The following DCBLD1 variants were observed in gnomAD, a reference collection of about 807,000 sequenced individuals.
DCBLD1 encodes the protein discoidin, CUB and LCCL domain-containing protein 1.
DCBLD1 carries 57 observed loss-of-function variants against 71.5 expected under a neutral mutation model. The ratio of observed to expected loss-of-function variants is 0.80; its 90% CI spans 0.64 to 0.99. The LOEUF is 0.99. DCBLD1 is among the 50% of genes least tolerant of loss of function. The probability of loss-of-function intolerance (pLI) is 0.00; values close to 1 mark genes in which losing one functional copy is unlikely to be tolerated. For missense variants in DCBLD1, 891 were observed against 923.5 expected, an observed-to-expected ratio of 0.96 and a Z score of 0.46; for synonymous variants, 380 against 363.8, an observed-to-expected ratio of 1.04 and a Z score of -0.51.
chr6:117,559,582 C>G (rs1172977019), intron 14 of DCBLD1, among the ~76,000 whole-genome samples: 2 of 152,234 alleles, frequency 1.3e-5, no homozygotes, highest in Non-Finnish European at 2.9e-5. Context: ...TGCACGAGAA[C>G]TGACAGATGC....
chr6:117,556,780 G>T (rs1779500406), intron 14 of DCBLD1, among the ~76,000 whole-genome samples: 1 of 152,064 alleles, frequency 6.6e-6, no homozygotes, highest in Non-Finnish European at 1.5e-5. Flanking sequence ...TCTATTTTTA[G>T]TTCTTTGAGA....
At chr6:117,526,587 G>C (rs910748537) in intron 5 of DCBLD1, among the ~76,000 whole-genome samples, 3 of 152,150 alleles carry the variant, frequency 2.0e-5, no homozygotes, top group Admixed American at 6.5e-5. Flanking sequence ...ACAGGTAAAT[G>C]GTTTCCTGCA....
intron 5 of DCBLD1, among the ~76,000 whole-genome samples, chr6:117,528,571 G>A (rs1403862303): frequency 1.3e-5 from 2 of 152,152 alleles, no homozygotes; most frequent in East Asian, 3.8e-4. Context: ...AAGTTGTTTA[G>A]CCTTAGTTCA....
intron 14 of DCBLD1, among the ~76,000 whole-genome samples, chr6:117,568,143 TG>T (rs1417112750): frequency 6.3e-4 from 95 of 151,832 alleles, no homozygotes. Context: ...GAGGCTGCAG[TG>T]GTCCGTAATT....
chr6:117,521,608 C>A, intron 4 of DCBLD1, 32 bp downstream of exon 4: 1 of 1,529,388 alleles, frequency 6.5e-7, no homozygotes, highest in Non-Finnish European at 8.8e-7. Flanking sequence ...GTGTTGCAGT[C>A]GTGTATTGCT....
At chr6:117,562,624 T>C (rs1392514029) in intron 14 of DCBLD1, 1 of 203,150 alleles carries the variant, frequency 4.9e-6, no homozygotes, top group African/African-American at 2.3e-5. Context: ...GCAGCATTGA[T>C]TGATAAAAGA....
At position 117,532,251 on chromosome 6, in the gene DCBLD1, G is replaced by A. The variant is rs201497239; in HGVS notation, c.586-9G>A. 1.6e-5 allele frequency: 26 copies of A among 1,583,838 alleles called. No homozygotes were observed. The African/African-American group carries it at 3.0e-4, about 18-fold the overall frequency. On this transcript the variant is annotated splice_polypyrimidine_tract_variant and intron_variant, in intron 5 of 14. Coordinates refer to ENST00000338728, the MANE Select transcript of DCBLD1 (RefSeq NM_001366458.2). ...TTAAGTTCTGCATAATGATGTTGCT[G>A]TGTTTCAGACCTCTTTATTGTGCAA...
At chr6:117,483,911 C>A (rs1776995746) in intron 1 of DCBLD1, among the ~76,000 whole-genome samples, 1 of 152,008 alleles carries the variant, frequency 6.6e-6, no homozygotes, top group Admixed American at 6.6e-5. Flanking sequence ...CTGAACTATG[C>A]CTCCATTCTG....
intron 2 of DCBLD1, among the ~76,000 whole-genome samples, chr6:117,511,277 C>T (rs1355271860): frequency 1.3e-5 from 2 of 152,182 alleles, no homozygotes; most frequent in South Asian, 2.1e-4. Flanking sequence ...AAATCACTTA[C>T]GTAGAGTTCC....
intron 9 of DCBLD1, 87 bp downstream of exon 9, chr6:117,539,466 A>T: frequency 7.1e-7 from 1 of 1,402,872 alleles, no homozygotes. Context: ...TAAATATCTC[A>T]TTAATAAAAG....
chr6:117,547,018 C>A (rs1779287977), intron 14 of DCBLD1, among the ~76,000 whole-genome samples: 1 of 152,186 alleles, frequency 6.6e-6, no homozygotes, highest in Non-Finnish European at 1.5e-5. Context: ...GTAACAAATT[C>A]CTGATTCCTG....
intron 1 of DCBLD1, among the ~76,000 whole-genome samples, chr6:117,490,275 A>G (rs1002248591): frequency 2.0e-5 from 3 of 152,242 alleles, no homozygotes; most frequent in African/African-American, 7.2e-5. Flanking sequence ...TAGTCTGTGT[A>G]TGCTTTTATA....
intron 2 of DCBLD1, among the ~76,000 whole-genome samples, chr6:117,519,140 G>C (rs1163351616): frequency 6.6e-6 from 1 of 152,098 alleles, no homozygotes; most frequent in African/African-American, 2.4e-5. Flanking sequence ...GTTATTTTAA[G>C]CTCCAAATGT....
chr6:117,521,119 A>G (rs914265749), intron 3 of DCBLD1, among the ~76,000 whole-genome samples: 1 of 152,228 alleles, frequency 6.6e-6, no homozygotes, highest in African/African-American at 2.4e-5. Flanking sequence ...GCCACTGGCT[A>G]AATTGTTGAA....
At position 117,548,600 on chromosome 6, in the gene DCBLD1, A is replaced by G; in HGVS notation, c.*161A>G. 2.8e-6 allele frequency: 4 copies of G among 1,440,946 alleles called. No homozygotes were observed. The highest frequency in any genetic ancestry group is 1.5e-5 in the South Asian group (1 of 67,850). 89.3% of individuals were successfully genotyped at this position (1,440,946 alleles called of 1,614,324 possible). On this transcript the variant is annotated 3_prime_UTR_variant, in exon 15 of 15. Coordinates refer to ENST00000338728, the MANE Select transcript of DCBLD1 (RefSeq NM_001366458.2). Reference sequence around the variant, plus strand: ...TAGGATCCTAGAGACAACCTGTCATACTGTTTACAAAATTGTGCAGCTGGT... The same window carrying G: ...TAGGATCCTAGAGACAACCTGTCATGCTGTTTACAAAATTGTGCAGCTGGT...
intron 14 of DCBLD1, chr6:117,561,516 T>C (rs9374669): frequency 0.24 from 50,864 of 215,148 alleles, 6,675 homozygotes; most frequent in East Asian, 0.33. Flanking sequence ...AAAATCCAGT[T>C]TGCAGATCTC....
intron 2 of DCBLD1, among the ~76,000 whole-genome samples, chr6:117,508,822 C>A (rs994598483): frequency 6.6e-6 from 1 of 152,158 alleles, no homozygotes; most frequent in Admixed American, 6.5e-5. Context: ...TTGGTAGGAA[C>A]CAGACGCTGG....
chr6:117,507,891 A>G (rs1777891817), intron 2 of DCBLD1: 1 of 152,240 alleles, frequency 6.6e-6, no homozygotes, highest in Non-Finnish European at 1.5e-5. Flanking sequence ...AACATTAGAA[A>G]TTATGAGGTC....
chr6:117,483,588 A>C (rs1419211233), intron 1 of DCBLD1, among the ~76,000 whole-genome samples: 1 of 152,204 alleles, frequency 6.6e-6, no homozygotes, highest in Non-Finnish European at 1.5e-5. Context: ...ACTTGGAGTT[A>C]GACCTAATTA....
Sources: gnomAD v4.1 joint callset for allele counts (sites outside exome capture counted in the v4.1 genomes callset) on GRCh38, gnomAD v4.1.1 for gene constraint, MANE v1.5 for transcripts, NCBI Gene and HGNC (gene_info 2026-07-23, HGNC 2026-07-21) for gene names.